The following LANCL3 variants were observed in gnomAD, a reference collection of about 807,000 sequenced individuals.
The protein encoded by LANCL3 is LanC like family member 3.
A neutral mutation model predicts 26.5 loss-of-function variants in LANCL3; 19 were observed. The observed-to-expected ratio is 0.72, with a 90% CI of 0.50 to 1.05. LANCL3 has a LOEUF of 1.05. LANCL3 is among the 50% of genes least tolerant of loss of function. The pLI, the probability that LANCL3 is intolerant of heterozygous loss-of-function variation, is 0.00. For synonymous variants in LANCL3, 160 were observed against 166.6 expected (o/e 0.96, Z 0.30); for missense variants, 318 against 362.7 (o/e 0.88, Z 1.00).
chrX:37,615,778 T>G, intron 1 of LANCL3, among the ~76,000 whole-genome samples: 1 of 111,738 alleles, frequency 8.9e-6, no homozygotes, highest in Non-Finnish European at 1.9e-5. Flanking sequence ...GTTGAGGATA[T>G]CTTTCTGTGG....
At chrX:37,634,992 A>G (rs1556425183) in intron 1 of LANCL3, among the ~76,000 whole-genome samples, 1 of 110,554 alleles carries the variant, frequency 9.0e-6, no homozygotes, top group African/African-American at 3.3e-5. Flanking sequence ...ATTCAAAGGG[A>G]TGTTATTACT....
intron 1 of LANCL3, among the ~76,000 whole-genome samples, chrX:37,647,872 G>A (rs782127687): frequency 2.7e-5 from 3 of 112,937 alleles, no homozygotes; most frequent in South Asian, 7.3e-4. Context: ...TTCCAAAAAC[G>A]TGTTTGGGGT....
intron 1 of LANCL3, among the ~76,000 whole-genome samples, chrX:37,654,924 A>G (rs921870960): frequency 4.4e-5 from 5 of 112,370 alleles, no homozygotes; most frequent in Non-Finnish European, 9.4e-5. Flanking sequence ...GCCAAAGGGA[A>G]CATCTAATTT....
intron 1 of LANCL3, among the ~76,000 whole-genome samples, chrX:37,587,285 A>C (rs1172064721): frequency 1.4e-4 from 16 of 112,590 alleles, no homozygotes; most frequent in African/African-American, 5.2e-4. Flanking sequence ...CTCAGATTTC[A>C]AATTCCATGC....
chrX:37,606,223 C>A (rs1442042841), intron 1 of LANCL3, among the ~76,000 whole-genome samples: 1 of 111,530 alleles, frequency 9.0e-6, no homozygotes, highest in Non-Finnish European at 1.9e-5. Flanking sequence ...CTATTAGAGA[C>A]TCAGTATCCA....
chrX:37,682,152 G>T lies in LANCL3; in HGVS notation c.*6339G>T, dbSNP rs1556438772. 9.7e-6 allele frequency: 1 copy of T among 103,102 alleles called. No homozygotes were observed. The highest frequency in any genetic ancestry group is 2.0e-5 in the Non-Finnish European group (1 of 50,381). The allele number at this position is 103,102 out of a possible 1,213,427, so 8.5% of individuals were successfully genotyped here. On this transcript the variant is annotated 3_prime_UTR_variant, in exon 5 of 5. Transcript: ENST00000378619. ...GAGTCTCGCTCTGTCGCCCAGGCTGGAGTGCAGTGGCGGGATCTCGGCTCG... is the reference window on the plus strand; with the variant it reads ...GAGTCTCGCTCTGTCGCCCAGGCTGTAGTGCAGTGGCGGGATCTCGGCTCG...
At chrX:37,619,305 A>G (rs1218840450) in intron 1 of LANCL3, among the ~76,000 whole-genome samples, 1 of 111,637 alleles carries the variant, frequency 9.0e-6, no homozygotes, top group Non-Finnish European at 1.9e-5. Context: ...TTCTACCAGC[A>G]ATCAAGATCC....
chrX:37,671,365 G>T (rs888242192), intron 4 of LANCL3, among the ~76,000 whole-genome samples: 3 of 111,211 alleles, frequency 2.7e-5, no homozygotes, highest in African/African-American at 9.8e-5. Flanking sequence ...ATGTTTTACC[G>T]TGGTCTTTTA....
chrX:37,667,623 G>A, intron 4 of LANCL3, 134 bp downstream of exon 4: 1 of 409,333 alleles, frequency 2.4e-6, no homozygotes, highest in Non-Finnish European at 3.9e-6. Context: ...CCATGCAGTT[G>A]ACTTCCCTAG....
intron 1 of LANCL3, among the ~76,000 whole-genome samples, chrX:37,594,643 C>T (rs1161079409): frequency 3.4e-4 from 38 of 112,079 alleles, no homozygotes; most frequent in Admixed American, 3.1e-3. Flanking sequence ...TAATGTTAAA[C>T]GAAATTCCCC....
At position 37,597,668 on chromosome X, in the gene LANCL3, CTTTTTTTTTTTT is replaced by C. The variant is rs57097813; in HGVS notation, c.573+25242_573+25253del. ...AGCTGGAACTACAGGCACACGCCACCTTTTTTTTTTTTTTTTTTTTTTTTTTTTGTAGAGGCA... is the reference window on the plus strand; with the variant it reads ...AGCTGGAACTACAGGCACACGCCACCTTTTTTTTTTTTTTTTGTAGAGGCA... On this transcript the variant is annotated intron_variant, in intron 1 of 4. Coordinates refer to ENST00000378619, the MANE Select transcript of LANCL3 (RefSeq NM_001170331.2). Among the ~76,000 whole-genome samples the C allele has an allele frequency of 2.1e-3, 169 of 79,811 alleles. 1 individual carries two copies. Among genetic ancestry groups the C allele is most frequent in the Middle Eastern group, 0.013 (2 of 150 alleles). 69.3% of individuals were successfully genotyped at this position (79,811 alleles called of 115,157 possible).
chrX:37,655,813 T>A lies in LANCL3; in HGVS notation c.697+2T>A, dbSNP rs1556430651. Reference sequence around the variant, plus strand: ...CTTACTATGGAACCGAATACTTGGGTAAGTGAAGGTGTTTGCATGGGCCTG... The same window carrying A: ...CTTACTATGGAACCGAATACTTGGGAAAGTGAAGGTGTTTGCATGGGCCTG... On this transcript the variant is annotated splice_donor_variant, in intron 2 of 4. Transcript: ENST00000378619. LOFTEE classifies it high-confidence loss of function. 2 of 1,204,699 alleles carry A rather than the reference T, an allele frequency of 1.7e-6. No homozygotes were observed. The highest frequency in any genetic ancestry group is 2.2e-6 in the Non-Finnish European group (2 of 890,820).
At chrX:37,614,715 T>C (rs1924961931) in intron 1 of LANCL3, among the ~76,000 whole-genome samples, 1 of 112,270 alleles carries the variant, frequency 8.9e-6, no homozygotes, top group Non-Finnish European at 1.9e-5. Flanking sequence ...ATTGAGTGGA[T>C]ACTTCTGAAA....
intron 1 of LANCL3, among the ~76,000 whole-genome samples, chrX:37,574,777 GCCATCTT>G (rs1266291311): frequency 9.1e-6 from 1 of 110,072 alleles, no homozygotes; most frequent in African/African-American, 3.3e-5. Context: ...AACCACACTG[GCCATCTT>G]CCTGTTTTAG....
At chrX:37,581,583 G>C (rs1369581196) in intron 1 of LANCL3, among the ~76,000 whole-genome samples, 21 of 111,552 alleles carry the variant, frequency 1.9e-4, no homozygotes, top group African/African-American at 6.8e-4. Context: ...GATTTTACCT[G>C]TTTGACGTAA....
chrX:37,630,710 A>G (rs1205947978), intron 1 of LANCL3, among the ~76,000 whole-genome samples: 90 of 101,960 alleles, frequency 8.8e-4, no homozygotes, highest in African/African-American at 3.1e-3. Context: ...TGAGATAATC[A>G]TGCGGTTTTT....
At chrX:37,636,681 T>C (rs782459421) in intron 1 of LANCL3, among the ~76,000 whole-genome samples, 1 of 111,691 alleles carries the variant, frequency 9.0e-6, no homozygotes, top group South Asian at 3.8e-4. Flanking sequence ...GAAATGTCCC[T>C]CATGATGTGG....
At chrX:37,607,414 G>A (rs990674490) in intron 1 of LANCL3, among the ~76,000 whole-genome samples, 6 of 112,169 alleles carry the variant, frequency 5.3e-5, no homozygotes, top group Non-Finnish European at 1.1e-4. Flanking sequence ...ACAGGTTTGC[G>A]TGTCACATTC....
chrX:37,571,747 T>C lies in LANCL3; in HGVS notation c.-124T>C. 1.8e-6 allele frequency: 1 copy of C among 544,876 alleles called. No homozygotes were observed. The highest frequency in any genetic ancestry group is 2.9e-6 in the Non-Finnish European group (1 of 348,548). The allele number at this position is 544,876 out of a possible 1,213,427, so 44.9% of individuals were successfully genotyped here. A position where few individuals can be genotyped will look rare whatever the true frequency, so the allele number is the denominator to read the frequency against. ...CTTGTCACCTCCCGTCTCATCCTTCTCGCTCCTTCCCCGCCGCATACACCG... is the reference window on the plus strand; with the variant it reads ...CTTGTCACCTCCCGTCTCATCCTTCCCGCTCCTTCCCCGCCGCATACACCG... On this transcript the variant is annotated 5_prime_UTR_variant, in exon 1 of 5. Transcript: ENST00000378619.
Sources: allele counts gnomAD v4.1 joint callset (sites outside exome capture counted in the v4.1 genomes callset), GRCh38; gene constraint gnomAD v4.1.1; transcripts MANE v1.5; gene names NCBI Gene and HGNC (gene_info 2026-07-23, HGNC 2026-07-21).